The following CNTFR variants were observed in gnomAD, a reference collection of about 807,000 sequenced individuals.
CNTFR encodes ciliary neurotrophic factor receptor subunit alpha.
A neutral mutation model predicts 40.4 loss-of-function variants in CNTFR; 12 were observed. That is an observed-to-expected ratio of 0.30 (90% confidence interval 0.19 to 0.48). The LOEUF (loss-of-function observed/expected upper bound fraction) is 0.48. CNTFR is among the 20% of genes least tolerant of loss of function. The probability of loss-of-function intolerance (pLI) is 0.99; values close to 1 mark genes in which losing one functional copy is unlikely to be tolerated. For missense variants in CNTFR, 414 were observed against 506.8 expected (o/e 0.82, Z 1.76); for synonymous variants, 202 against 209.6 (o/e 0.96, Z 0.31).
chr9:34,578,751 T>G (rs1459665032), intron 2 of CNTFR, among the ~76,000 whole-genome samples: 2 of 152,236 alleles, frequency 1.3e-5, no homozygotes, highest in African/African-American at 4.8e-5. Context: ...CCAAGTTGCC[T>G]TACTTTAGGA....
At chr9:34,580,573 G>A (rs530115395) in intron 2 of CNTFR, among the ~76,000 whole-genome samples, 5 of 152,160 alleles carry the variant, frequency 3.3e-5, no homozygotes, top group East Asian at 1.9e-4. Flanking sequence ...AGGCCCTTCC[G>A]TTCCGCTCCA....
At chr9:34,570,842 G>A (rs1458053566) in intron 2 of CNTFR, among the ~76,000 whole-genome samples, 1 of 152,196 alleles carries the variant, frequency 6.6e-6, no homozygotes, top group Non-Finnish European at 1.5e-5. Context: ...CTGCGGAGAG[G>A]CTGGAGAGCA....
At chr9:34,587,282 T>C (rs990645624) in intron 1 of CNTFR, among the ~76,000 whole-genome samples, 4 of 152,200 alleles carry the variant, frequency 2.6e-5, no homozygotes, top group African/African-American at 9.7e-5. Flanking sequence ...CTAAGGTGGC[T>C]TATATGGAGT....
At chr9:34,583,497 C>A (rs1342639539) in intron 1 of CNTFR, among the ~76,000 whole-genome samples, 15 of 152,194 alleles carry the variant, frequency 9.9e-5, no homozygotes, top group Admixed American at 9.8e-4. Context: ...CCCCATCATT[C>A]CAATCCCAGA....
intron 2 of CNTFR, among the ~76,000 whole-genome samples, chr9:34,574,168 T>TGGCCCCTGGCAGCTGGCCCGGCA (rs1826837020): frequency 6.6e-6 from 1 of 151,658 alleles, no homozygotes; most frequent in Non-Finnish European, 1.5e-5. Flanking sequence ...GAGGGAGGCC[T>TGGCCCCTGGCAGCTGGCCCGGCA]GGCCCCTGGC....
chr9:34,552,163 G>A lies in CNTFR; in HGVS notation c.1116C>T (p.Ile372=), dbSNP rs1397638530. ...AAAATASSLL[I] ...CCACCCAGCCTCACTCAACCTACCA[G>A]ATCAAGAGACTGCTGGCAGTGGCGG... Residue 372 remains isoleucine, a splice_region_variant and synonymous_variant, in exon 9 of 10, where the codon ATC becomes ATT. Coordinates refer to ENST00000378980, the MANE Select transcript of CNTFR (RefSeq NM_147164.3). The surrounding 1 kb of genome is among the most constrained non-coding windows in gnomAD (Gnocchi z 5.1). 6.3e-6 allele frequency: 10 copies of A among 1,596,590 alleles called. No individual in the cohort carries two copies. The African/African-American group carries it at 9.4e-5, about 15-fold the overall frequency.
intron 7 of CNTFR, 64 bp downstream of exon 7, chr9:34,556,191 G>A (rs555877026): frequency 2.8e-5 from 43 of 1,524,178 alleles, no homozygotes; most frequent in South Asian, 3.5e-5. Context: ...TGGGATATGG[G>A]TGCCACTCAC....
rs1825891775 is a variant in CNTFR at position 34,557,408 on chromosome 9, A to G, written c.604+118T>C. On this transcript the variant is annotated intron_variant, in intron 6 of 9. Coordinates refer to ENST00000378980, the MANE Select transcript of CNTFR (RefSeq NM_147164.3). The surrounding 1 kb of genome is among the most constrained non-coding windows in gnomAD (Gnocchi z 4.2). ...ATATGTGCACTGTACATACCTGTGC[A>G]GAGGCATGTACATGCCATGTATACA... The G allele has an allele frequency of 1.8e-6, 2 of 1,114,900 alleles. No homozygotes were observed. The highest frequency in any genetic ancestry group is 3.1e-5 in the African/African-American group (2 of 64,834). The allele number at this position is 1,114,900 out of a possible 1,614,324, so 69.1% of individuals were successfully genotyped here. A position where few individuals can be genotyped will look rare whatever the true frequency, so the allele number is the denominator to read the frequency against.
In CNTFR at chr9:34,589,067, A is replaced by ACGCG. The variant is rs111908218; in HGVS notation, c.-112+484_-112+487dup. ...GACCGACACACACATGCACACACAC[A>ACGCG]CGCGCGCGCGGGCGCGCGGATTCAC... On this transcript the variant is annotated intron_variant, in intron 1 of 9. Transcript: ENST00000378980. This position sits in a 1 kb window ranked among gnomAD's most constrained non-coding sequence, Gnocchi z 4.4. 0.011 allele frequency among the ~76,000 whole-genome samples: 1,642 copies of ACGCG among 150,940 alleles called. 24 individuals are homozygous for ACGCG. The highest frequency in any genetic ancestry group is 0.034 in the African/African-American group (1,364 of 40,464).
Position 34,552,182 on chromosome 9 carries a change from G to C in CNTFR, c.1097C>G (p.Thr366Ser). The C allele has an allele frequency of 6.3e-7, 1 of 1,596,324 alleles. No homozygotes were observed. The highest frequency in any genetic ancestry group is 8.5e-7 in the Non-Finnish European group (1 of 1,171,858). ...ITLALAAAAA[T>S]ASSLLI is the part of the protein sequence containing the mutation. ...CTACCAGATCAAGAGACTGCTGGCA[G>C]TGGCGGCAGCGGCAGCCAGGGCCAG... Residue 366 changes from threonine to serine, a missense_variant, in exon 9 of 10, where the codon ACT becomes AGT. This residue lies in a region of CNTFR where 81 missense variants were observed against 92.2 expected (regional missense o/e 0.88). Coordinates refer to ENST00000378980, the MANE Select transcript of CNTFR (RefSeq NM_147164.3). This position sits in a 1 kb window ranked among gnomAD's most constrained non-coding sequence, Gnocchi z 5.1.
At chr9:34,563,371 T>A (rs1220860617) in intron 4 of CNTFR, among the ~76,000 whole-genome samples, 1 of 152,178 alleles carries the variant, frequency 6.6e-6, no homozygotes, top group African/African-American at 2.4e-5. Flanking sequence ...CAGGAGCTAG[T>A]GTATACACAT....
At position 34,552,602 on chromosome 9, in the gene CNTFR, A is replaced by T. The variant is rs1274663744; in HGVS notation, c.949+72T>A. On this transcript the variant is annotated intron_variant, in intron 8 of 9. Transcript: ENST00000378980. This position sits in a 1 kb window ranked among gnomAD's most constrained non-coding sequence, Gnocchi z 5.1. The stretch of plus-strand genomic sequence containing the variant: ...GCAGAGGCTGGAGGCAGCAGGGTAG[A>T]ACCAGGCCACAGGTTCTACCACAGG... 6.7e-7 allele frequency: 1 copy of T among 1,501,866 alleles called. No individual in the cohort carries two copies. The highest frequency in any genetic ancestry group is 9.0e-7 in the Non-Finnish European group (1 of 1,114,038). The allele number at this position is 1,501,866 out of a possible 1,614,324, so 93.0% of individuals were successfully genotyped here.
intron 2 of CNTFR, among the ~76,000 whole-genome samples, chr9:34,575,299 T>G (rs1826895804): frequency 6.6e-6 from 1 of 152,070 alleles, no homozygotes; most frequent in Non-Finnish European, 1.5e-5. Flanking sequence ...CCAGTTAGGC[T>G]AAGTCTGTGG....
chr9:34,551,814 G>C lies in CNTFR; in HGVS notation c.*257C>G. On this transcript the variant is annotated 3_prime_UTR_variant, in exon 10 of 10. Coordinates refer to ENST00000378980, the MANE Select transcript of CNTFR (RefSeq NM_147164.3). Reference sequence around the variant, plus strand: ...TGGCATTGGAGGGTCCAGCCCAAGGGGCCAGGGTGAGGGGGTCTTTGGTGG... The same window carrying C: ...TGGCATTGGAGGGTCCAGCCCAAGGCGCCAGGGTGAGGGGGTCTTTGGTGG... The C allele has an allele frequency of 1.6e-6, 1 of 622,640 alleles. No individual in the cohort carries two copies. Among genetic ancestry groups the C allele is most frequent in the East Asian group, 2.7e-5 (1 of 36,582 alleles). The allele number at this position is 622,640 out of a possible 1,614,324, so 38.6% of individuals were successfully genotyped here.
At chr9:34,553,724 C>T (rs1302337375) in intron 7 of CNTFR, among the ~76,000 whole-genome samples, 1 of 152,246 alleles carries the variant, frequency 6.6e-6, no homozygotes, top group Non-Finnish European at 1.5e-5. Flanking sequence ...TCCTGCTGGT[C>T]TCCCCCAACC....
intron 2 of CNTFR, among the ~76,000 whole-genome samples, chr9:34,576,065 G>C (rs1384837760): frequency 6.6e-6 from 1 of 152,020 alleles, no homozygotes. Context: ...TTCACCCCGA[G>C]ACAGAGCACA....
chr9:34,578,238 G>C (rs972895840), intron 2 of CNTFR, among the ~76,000 whole-genome samples: 1 of 152,226 alleles, frequency 6.6e-6, no homozygotes, highest in Non-Finnish European at 1.5e-5. Context: ...AAGCGGGCCG[G>C]GAGGAGGGGA....
intron 4 of CNTFR, among the ~76,000 whole-genome samples, chr9:34,562,484 C>T (rs1325156562): frequency 1.3e-5 from 2 of 152,212 alleles, no homozygotes; most frequent in Non-Finnish European, 2.9e-5. Context: ...TACATTTTCA[C>T]ACCTCTTTAA....
At chr9:34,575,129 G>A (rs1440082298) in intron 2 of CNTFR, among the ~76,000 whole-genome samples, 2 of 152,212 alleles carry the variant, frequency 1.3e-5, no homozygotes, top group African/African-American at 4.8e-5. Context: ...GGAGGAAGGG[G>A]CAGATAAGTT....
Sources: gnomAD v4.1 joint callset for allele counts (sites outside exome capture counted in the v4.1 genomes callset) on GRCh38, gnomAD v4.1.1 for gene constraint, gnomAD v4.1.1 regional missense constraint, Gnocchi (gnomAD v3.1) non-coding constraint, MANE v1.5 for transcripts, NCBI Gene and HGNC (gene_info 2026-07-23, HGNC 2026-07-21) for gene names.